The following USP12 variants were observed in gnomAD, a reference collection of about 807,000 sequenced individuals.
The protein encoded by USP12 is ubiquitin specific peptidase 12.
USP12 carries 19 observed loss-of-function variants against 45.5 expected under a neutral mutation model. The ratio of observed to expected loss-of-function variants is 0.42; its 90% CI spans 0.29 to 0.61. The LOEUF is 0.61. USP12 is among the 20% of genes least tolerant of loss of function. The probability of loss-of-function intolerance (pLI) is 0.22; values close to 1 mark genes in which losing one functional copy is unlikely to be tolerated. For missense variants in USP12, 242 were observed against 447.7 expected (o/e 0.54, Z 4.15); for synonymous variants, 149 against 148.8 (o/e 1.00, Z -0.01).
intron 3 of USP12, among the ~76,000 whole-genome samples, chr13:27,098,593 A>G (rs969184840): frequency 3.3e-5 from 5 of 152,204 alleles, no homozygotes; most frequent in African/African-American, 1.2e-4. Flanking sequence ...GACATTCTCA[A>G]CTGTTGCTGC....
rs1874739546 is a variant in USP12, at chr13:27,099,199, AG to A, written c.344-3370del. ...GACGAGATTGAGGAGCTGGGGAGGA[AG>A]CAGAGAGCACTCAGGGAAACTTCTA... On this transcript the variant is annotated intron_variant, in intron 3 of 8. Coordinates refer to ENST00000282344, the MANE Select transcript of USP12 (RefSeq NM_182488.4). Among the ~76,000 whole-genome samples, 7 of 152,360 alleles carry A rather than the reference AG, an allele frequency of 4.6e-5. No individual in the cohort carries two copies. The South Asian group carries it at 1.4e-3, about 32-fold the overall frequency.
intron 1 of USP12, among the ~76,000 whole-genome samples, chr13:27,159,896 G>A (rs1878026188): frequency 6.6e-6 from 1 of 152,208 alleles, no homozygotes; most frequent in Non-Finnish European, 1.5e-5. Flanking sequence ...CCCAGTTTCA[G>A]AGATGAAAAG....
At chr13:27,158,156 T>TA (rs57397733) in intron 1 of USP12, among the ~76,000 whole-genome samples, 3,548 of 152,272 alleles carry the variant, frequency 0.023, 137 homozygotes, top group African/African-American at 0.081. Flanking sequence ...GGGTGGACCC[T>TA]AATCCAGTGT....
chr13:27,119,048 A>G (rs1412744296), intron 1 of USP12, among the ~76,000 whole-genome samples: 3 of 152,234 alleles, frequency 2.0e-5, no homozygotes, highest in Non-Finnish European at 2.9e-5. Context: ...TAGGGTGACT[A>G]TAACAGAATT....
At chr13:27,130,695 A>G (rs1876460123) in intron 1 of USP12, among the ~76,000 whole-genome samples, 1 of 152,224 alleles carries the variant, frequency 6.6e-6, no homozygotes, top group African/African-American at 2.4e-5. Flanking sequence ...ACGGTATCAC[A>G]CTGGGGTCCC....
intron 3 of USP12, among the ~76,000 whole-genome samples, chr13:27,099,075 A>T (rs1874732932): frequency 6.6e-6 from 1 of 152,188 alleles, no homozygotes; most frequent in Non-Finnish European, 1.5e-5. Context: ...CTCCACTAAA[A>T]ATAGTTCCCA....
chr13:27,147,951 G>A (rs541684565), intron 1 of USP12, among the ~76,000 whole-genome samples: 2 of 151,846 alleles, frequency 1.3e-5, no homozygotes, highest in Admixed American at 1.3e-4. Context: ...AACACAGGGG[G>A]ACACCATCTC....
intron 3 of USP12, 129 bp from the exon 4 acceptor site, chr13:27,095,959 T>C (rs914605908): frequency 6.5e-6 from 4 of 619,112 alleles, no homozygotes; most frequent in African/African-American, 5.7e-5. Context: ...TTGTAATGTA[T>C]AACAAATAAC....
intron 1 of USP12, among the ~76,000 whole-genome samples, chr13:27,130,926 C>A (rs924750869): frequency 2.0e-5 from 3 of 152,156 alleles, no homozygotes; most frequent in Admixed American, 6.5e-5. Context: ...CTTCAGCAAG[C>A]CGTGACGCTT....
At chr13:27,121,306 TAAAA>T (rs201772631) in intron 1 of USP12, among the ~76,000 whole-genome samples, 1 of 134,248 alleles carries the variant, frequency 7.4e-6, no homozygotes. Flanking sequence ...TATGTGATCT[TAAAA>T]AAAAAAAAAA....
chr13:27,122,137 C>CAG (rs2137802291), intron 1 of USP12, among the ~76,000 whole-genome samples: 1 of 151,972 alleles, frequency 6.6e-6, no homozygotes, highest in South Asian at 2.1e-4. Flanking sequence ...ACCTGGGCAA[C>CAG]ATGGCGAAAC....
chr13:27,076,029 CAAAAAAAAA>C (rs11458818), intron 6 of USP12, among the ~76,000 whole-genome samples: 1 of 98,042 alleles, frequency 1.0e-5, no homozygotes, highest in Non-Finnish European at 2.0e-5. Context: ...GGCTCCGTCT[CAAAAAAAAA>C]AAAAAAAAAG....
chr13:27,166,846 C>T (rs17085268), intron 1 of USP12, among the ~76,000 whole-genome samples: 6,056 of 152,176 alleles, frequency 0.04, 156 homozygotes, highest in Admixed American at 0.076. Context: ...AACCTGTCAA[C>T]GCCCTAGTAC....
intron 1 of USP12, among the ~76,000 whole-genome samples, chr13:27,125,199 T>C (rs1876169982): frequency 6.6e-6 from 1 of 152,232 alleles, no homozygotes; most frequent in Non-Finnish European, 1.5e-5. Flanking sequence ...GGGTTTCATA[T>C]TATTTATCAC....
At chr13:27,159,443 G>A (rs541058667) in intron 1 of USP12, among the ~76,000 whole-genome samples, 2 of 152,224 alleles carry the variant, frequency 1.3e-5, no homozygotes, top group South Asian at 4.1e-4. Context: ...TATAATTCTG[G>A]TGTTTTACAA....
intron 4 of USP12, among the ~76,000 whole-genome samples, chr13:27,092,468 C>G (rs1874362538): frequency 6.6e-6 from 1 of 152,302 alleles, no homozygotes; most frequent in African/African-American, 2.4e-5. Context: ...TTAAGACTTA[C>G]TCTAAAGCTA....
chr13:27,169,375 T>C (rs1242271510), intron 1 of USP12, among the ~76,000 whole-genome samples: 1 of 152,138 alleles, frequency 6.6e-6, no homozygotes, highest in Admixed American at 6.5e-5. Flanking sequence ...AAACAGCACC[T>C]ACAAAGCCAA....
Position 27,074,171 on chromosome 13 carries a change from C to A in USP12, c.932+1020G>T, listed in dbSNP as rs1312531179. Among the ~76,000 whole-genome samples, 3 of 152,134 alleles carry A rather than the reference C, an allele frequency of 2.0e-5. No homozygotes were observed. In the East Asian group the frequency reaches 5.8e-4, roughly 29 times the overall value. On this transcript the variant is annotated intron_variant, in intron 7 of 8. Transcript: ENST00000282344. ...ATCCCAGCACTTTGGGAGGCCGAGG[C>A]GGGCAGATCACGAGGTCAGGAGATT...
intron 1 of USP12, among the ~76,000 whole-genome samples, chr13:27,163,300 C>G (rs1300689846): frequency 6.6e-6 from 1 of 152,116 alleles, no homozygotes; most frequent in Non-Finnish European, 1.5e-5. Context: ...ACTCTCCAGC[C>G]TTACTGTTCA....
Sources: allele counts gnomAD v4.1 joint callset (sites outside exome capture counted in the v4.1 genomes callset), GRCh38; gene constraint gnomAD v4.1.1; transcripts MANE v1.5; gene names NCBI Gene and HGNC (gene_info 2026-07-23, HGNC 2026-07-21).